PRCP: variants seen among roughly 807,000 people sequenced by gnomAD.
The protein encoded by PRCP is prolylcarboxypeptidase.
A neutral mutation model predicts 54.2 loss-of-function variants in PRCP; 46 were observed. The observed-to-expected ratio is 0.85, with a 90% CI of 0.67 to 1.09. The LOEUF (loss-of-function observed/expected upper bound fraction) is 1.09, where lower values mean the gene tolerates loss of function less well. Ranked by LOEUF, PRCP falls within the 50% of genes least tolerant of loss-of-function variation. The pLI, the probability that PRCP is intolerant of heterozygous loss-of-function variation, is 0.00. For missense variants in PRCP, 613 were observed against 596.8 expected (o/e 1.03, Z -0.28); for synonymous variants, 240 against 212.2 (o/e 1.13, Z -1.14).
chr11:82,870,769 G>A (rs1258191852), intron 1 of PRCP, among the ~76,000 whole-genome samples: 2 of 152,160 alleles, frequency 1.3e-5, no homozygotes, highest in South Asian at 2.1e-4. Context: ...TACAACCCAG[G>A]AGCAGGAGCA....
intron 6 of PRCP, among the ~76,000 whole-genome samples, chr11:82,841,748 C>T (rs1170210181): frequency 6.6e-6 from 1 of 152,038 alleles, no homozygotes; most frequent in Admixed American, 6.6e-5. Flanking sequence ...TGGCAACTCT[C>T]GATTTTTCAT....
chr11:82,866,352 C>T (rs1242802413), intron 1 of PRCP, among the ~76,000 whole-genome samples: 2 of 152,110 alleles, frequency 1.3e-5, no homozygotes, highest in Non-Finnish European at 2.9e-5. Context: ...GAGCTTCCAT[C>T]TTAACAAAAA....
Position 82,823,621 on chromosome 11 carries a change from G to A in PRCP, c.*1285C>T, listed in dbSNP as rs949509842. On this transcript the variant is annotated 3_prime_UTR_variant, in exon 9 of 9. Coordinates refer to ENST00000313010, the MANE Select transcript of PRCP (RefSeq NM_005040.4). The stretch of plus-strand genomic sequence containing the variant: ...GCAGAAAATGTTCCCAAGGCAGGGT[G>A]AAGAAAAAAAAATTATTGAGAGAAA... 1.3e-5 allele frequency: 2 copies of A among 151,794 alleles called. No individual in the cohort carries two copies. The highest frequency in any genetic ancestry group is 2.9e-5 in the Non-Finnish European group (2 of 67,948). The allele number at this position is 151,794 out of a possible 1,614,324, so 9.4% of individuals were successfully genotyped here.
At chr11:82,836,986 G>A in intron 8 of PRCP, 1 of 292,960 alleles carries the variant, frequency 3.4e-6, no homozygotes, top group Non-Finnish European at 6.8e-6. Context: ...TTTAAGTTAT[G>A]GGGCTCCACC....
chr11:82,853,415 T>C, intron 2 of PRCP, 137 bp from the exon 3 acceptor site: 1 of 558,020 alleles, frequency 1.8e-6, no homozygotes, highest in Non-Finnish European at 3.1e-6. Flanking sequence ...TTTGTGTTTG[T>C]TCCACAAATA....
At chr11:82,885,694 G>A (rs1859847952) in intron 1 of PRCP, among the ~76,000 whole-genome samples, 1 of 152,140 alleles carries the variant, frequency 6.6e-6, no homozygotes, top group Non-Finnish European at 1.5e-5. Flanking sequence ...TGCAAGATAG[G>A]GACATGCAAG....
intron 1 of PRCP, among the ~76,000 whole-genome samples, chr11:82,875,588 T>G (rs1449649373): frequency 2.6e-5 from 4 of 152,208 alleles, no homozygotes; most frequent in African/African-American, 9.7e-5. Flanking sequence ...CCTGAGTACT[T>G]ACTCTGTGTG....
chr11:82,861,828 T>A (rs2121182542), intron 1 of PRCP, among the ~76,000 whole-genome samples: 1 of 152,268 alleles, frequency 6.6e-6, no homozygotes, highest in African/African-American at 2.4e-5. Context: ...CTGGATTGGA[T>A]CCTAGTTTGA....
At chr11:82,875,076 T>A (rs1223262248) in intron 1 of PRCP, among the ~76,000 whole-genome samples, 1 of 151,778 alleles carries the variant, frequency 6.6e-6, no homozygotes, top group East Asian at 1.9e-4. Context: ...ACACACCATG[T>A]GTGTTATTTC....
intron 1 of PRCP, among the ~76,000 whole-genome samples, chr11:82,871,127 G>A (rs1220446646): frequency 2.0e-5 from 3 of 149,836 alleles, no homozygotes; most frequent in Non-Finnish European, 4.4e-5. Context: ...AACATAAGAT[G>A]ATGTGTTACT....
At chr11:82,863,507 T>C (rs1859258391) in intron 1 of PRCP, among the ~76,000 whole-genome samples, 2 of 152,354 alleles carry the variant, frequency 1.3e-5, no homozygotes, top group South Asian at 2.1e-4. Flanking sequence ...TCTAACAAGA[T>C]GCCTTCCCAT....
chr11:82,841,249 G>C (rs1858660518), intron 6 of PRCP, among the ~76,000 whole-genome samples: 3 of 148,834 alleles, frequency 2.0e-5, no homozygotes, highest in Admixed American at 6.7e-5. Flanking sequence ...GTTCTGCCTG[G>C]CACCAGCTGC....
chr11:82,832,884 G>T (rs974052195), intron 8 of PRCP, among the ~76,000 whole-genome samples: 6 of 152,082 alleles, frequency 3.9e-5, no homozygotes. Context: ...TTTTACTTTG[G>T]GAGTGCTGTT....
chr11:82,881,083 C>A (rs1183562067), intron 1 of PRCP, among the ~76,000 whole-genome samples: 1 of 152,106 alleles, frequency 6.6e-6, no homozygotes, highest in African/African-American at 2.4e-5. Context: ...GAGAAACATT[C>A]TTCTTTTTAA....
chr11:82,875,596 G>T (rs3793979), intron 1 of PRCP, among the ~76,000 whole-genome samples: 1 of 151,928 alleles, frequency 6.6e-6, no homozygotes. Flanking sequence ...CTTACTCTGT[G>T]TGCCGGGCTA....
intron 8 of PRCP, chr11:82,825,813 G>A (rs1374416066): frequency 1.3e-5 from 2 of 152,204 alleles, no homozygotes; most frequent in African/African-American, 2.4e-5. Flanking sequence ...TTAAGGAAAT[G>A]CTACTAGGTT....
chr11:82,871,042 A>G (rs1038400151), intron 1 of PRCP, among the ~76,000 whole-genome samples: 16 of 152,172 alleles, frequency 1.1e-4, no homozygotes, highest in Admixed American at 1.3e-4. Flanking sequence ...AAGCATTTCA[A>G]TAATAATCTC....
upstream of PRCP, chr11:82,900,586 C>G: frequency 1.3e-6 from 1 of 796,412 alleles, no homozygotes; most frequent in Non-Finnish European, 2.1e-6. Flanking sequence ...CCACTCCGCC[C>G]CCATCCCCGA....
chr11:82,872,432 C>T (rs1397949650), intron 1 of PRCP, among the ~76,000 whole-genome samples: 2 of 152,132 alleles, frequency 1.3e-5, no homozygotes, highest in East Asian at 1.9e-4. Flanking sequence ...GGGGTGGGCC[C>T]TTAATCCAAT....
Sources: allele counts gnomAD v4.1 joint callset (sites outside exome capture counted in the v4.1 genomes callset), GRCh38; gene constraint gnomAD v4.1.1; transcripts MANE v1.5; gene names NCBI Gene and HGNC (gene_info 2026-07-23, HGNC 2026-07-21).